ADCY6: variants seen among roughly 807,000 people sequenced by gnomAD.
ADCY6 encodes adenylate cyclase type 6.
A neutral mutation model predicts 111.6 loss-of-function variants in ADCY6; 59 were observed. The observed-to-expected ratio is 0.53, with a 90% confidence interval of 0.43 to 0.66. The LOEUF is 0.66. Among genes scored for constraint, ADCY6 ranks in the 30% least tolerant of loss-of-function variants. The pLI, the probability that ADCY6 is intolerant of heterozygous loss-of-function variation, is 0.00. For synonymous variants in ADCY6, 576 were observed against 642.9 expected (o/e 0.90, Z 1.57); for missense variants, 1,242 against 1,595.6 (o/e 0.78, Z 3.78).
At chr12:48,780,704 G>A (rs1478037527) in intron 2 of ADCY6, among the ~76,000 whole-genome samples, 2 of 152,206 alleles carry the variant, frequency 1.3e-5, no homozygotes, top group East Asian at 3.8e-4. Context: ...TGGCCAGAGA[G>A]GAAGGGGGAA....
In ADCY6 at chr12:48,782,324, A is replaced by G. The variant is rs1394433466; in HGVS notation, c.864+247T>C. On this transcript the variant is annotated intron_variant, in intron 2 of 21. Coordinates refer to ENST00000357869, the MANE Select transcript of ADCY6 (RefSeq NM_015270.5). The surrounding 1 kb of genome is among the most constrained non-coding windows in gnomAD (Gnocchi z 4.3). ...CGGAGACTGGGGCCCATGGTGACAG[A>G]GTTCAGGCTTGGGTCCTGGGGCCCT... Among the ~76,000 whole-genome samples the G allele has an allele frequency of 6.6e-6, 1 of 152,008 alleles. No individual in the cohort carries two copies. The highest frequency in any genetic ancestry group is 1.5e-5 in the Non-Finnish European group (1 of 68,008).
chr12:48,778,531 T>C (rs1941765619), intron 2 of ADCY6: 2 of 452,072 alleles, frequency 4.4e-6, no homozygotes, highest in Non-Finnish European at 4.1e-6. Context: ...AGATAAGTCA[T>C]GGGGCCCAGC....
At chr12:48,781,068 C>T (rs140862700) in intron 2 of ADCY6, among the ~76,000 whole-genome samples, 11 of 151,890 alleles carry the variant, frequency 7.2e-5, no homozygotes, top group Non-Finnish European at 1.3e-4. Context: ...CATGGTGGCG[C>T]GCTCCTGTAG....
At position 48,772,385 on chromosome 12, in the gene ADCY6, AG is replaced by A. The variant is rs749817684; in HGVS notation, c.2696del (p.Pro899LeufsTer2). 1 of 1,614,192 alleles carries A rather than the reference AG, an allele frequency of 6.2e-7. No homozygotes were observed. The highest frequency in any genetic ancestry group is 8.5e-7 in the Non-Finnish European group (1 of 1,180,008). ...AGRVALKYMT[P>X]VILLVFALAL... ...CCAGCGCAAACACCAGCAGAATCAC[AG>A]GGGTCATATATTTGAGGGCCACCCT... On this transcript the variant is annotated frameshift_variant, in exon 18 of 22. Transcript: ENST00000357869. LOFTEE classifies it high-confidence loss of function.
At chr12:48,778,400 C>T in intron 2 of ADCY6, 143 bp from the exon 3 acceptor site, 1 of 937,258 alleles carries the variant, frequency 1.1e-6, no homozygotes, top group Non-Finnish European at 1.6e-6. Context: ...CCACTGCCAC[C>T]CCTGCAATAT....
Position 48,775,364 on chromosome 12 carries a change from A to T in ADCY6, c.1919T>A (p.Leu640Gln). 6.2e-7 allele frequency: 1 copy of T among 1,614,140 alleles called. No homozygotes were observed. Among genetic ancestry groups the T allele is most frequent in the Non-Finnish European group, 8.5e-7 (1 of 1,180,030 alleles). ...RAIDARSIDQLRKDHVRRFLL... is the reference protein window; with the variant it reads ...RAIDARSIDQQRKDHVRRFLL... ...AAACCGGCGCACATGGTCCTTCCGC[A>T]GCTGATCAATGCTGCGGGCATCGAT... is the stretch of plus-strand genomic sequence containing the variant. Residue 640 changes from leucine (L) to glutamine (Q), a missense_variant, in exon 11 of 22, where the codon CTG (leucine) becomes CAG (glutamine). Coordinates refer to ENST00000357869, the MANE Select transcript of ADCY6 (RefSeq NM_015270.5).
At chr12:48,789,262 C>T (rs1942041904), upstream of ADCY6, 1 of 152,312 alleles carries the variant, frequency 6.6e-6, no homozygotes, top group African/African-American at 2.4e-5. Context: ...TGGGACCCCT[C>T]CCTCCGCGCG....
Position 48,774,999 on chromosome 12 carries a change from A to C in ADCY6, c.2036T>G (p.Val679Gly). ...CTGGATGAAGCAGATGAAGCAGAAG[A>C]CCAACAGGGCACAGGCAACGTAGGC... ...FGAYVACALL[V>G]FCFICFIQLL... The change falls in exon 12 of 22, where the codon GTC becomes GGC. Residue 679 changes from valine (V) to glycine (G), a missense_variant. Physicochemically the swap from Val to Gly is moderately radical, Grantham distance 109. Around this residue, in one of 4 missense-constraint regions of ADCY6, gnomAD observed 375 missense variants for 432.5 expected, o/e 0.87. Coordinates refer to ENST00000357869, the MANE Select transcript of ADCY6 (RefSeq NM_015270.5). 6.4e-7 allele frequency: 1 copy of C among 1,558,548 alleles called. No individual in the cohort carries two copies. Among genetic ancestry groups the C allele is most frequent in the Non-Finnish European group, 8.7e-7 (1 of 1,150,860 alleles).
intron 2 of ADCY6, among the ~76,000 whole-genome samples, chr12:48,781,004 T>G (rs908044569): frequency 2.0e-5 from 3 of 152,034 alleles, no homozygotes; most frequent in Non-Finnish European, 4.4e-5. Context: ...ATCGAGACCA[T>G]CCTGGCCAAC....
rs1211448366 is a variant in ADCY6, at chr12:48,778,246, A to G, written c.876T>C (p.Asn292=). 5.6e-6 allele frequency: 9 copies of G among 1,614,124 alleles called. No individual in the cohort carries two copies. The highest frequency in any genetic ancestry group is 1.7e-5 in the Admixed American group (1 of 60,002). The change falls in exon 3 of 22, where the codon AAT becomes AAC. Residue 292 remains asparagine, a synonymous_variant. Transcript: ENST00000357869. ...CGTTGGTGCAGAGGAACAGCAGCAC[A>G]TTGGCACCGAGCTGCAGGAGGTGGC... is the stretch of plus-strand genomic sequence containing the variant. The part of the protein sequence containing the change: ...DAFLWKQLGA[N]VLLFLCTNVI...
In ADCY6 at chr12:48,776,846, G is replaced by A. The variant is rs1003678337; in HGVS notation, c.1376+258C>T. Reference sequence around the variant, plus strand: ...AGAGGAATCACTGTTATCCCCTCTGGCCTGCACAGATGGCATTCCCTCTAG... The same window carrying A: ...AGAGGAATCACTGTTATCCCCTCTGACCTGCACAGATGGCATTCCCTCTAG... On this transcript the variant is annotated intron_variant, in intron 6 of 21. Transcript: ENST00000357869. This position sits in a 1 kb window ranked among gnomAD's most constrained non-coding sequence, Gnocchi z 6.1. Among the ~76,000 whole-genome samples, 1 of 152,184 alleles carries A rather than the reference G, an allele frequency of 6.6e-6. No individual in the cohort carries two copies. Among genetic ancestry groups the A allele is most frequent in the Non-Finnish European group, 1.5e-5 (1 of 68,034 alleles).
At chr12:48,774,587 G>A (rs1475305698) in intron 13 of ADCY6, 69 bp from the exon 14 acceptor site, 8 of 1,573,946 alleles carry the variant, frequency 5.1e-6, no homozygotes, top group Non-Finnish European at 7.0e-6. Flanking sequence ...CAGGGATGGG[G>A]CCCAGTGGAA....
chr12:48,782,674 G>T lies in ADCY6; in HGVS notation c.761C>A (p.Pro254His). The T allele has an allele frequency of 6.3e-7, 1 of 1,596,750 alleles. No homozygotes were observed. Among genetic ancestry groups the T allele is most frequent in the Non-Finnish European group, 8.5e-7 (1 of 1,170,850 alleles). The change falls in exon 2 of 22, where the codon CCC becomes CAC. Residue 254 changes from proline (P) to histidine (H), a missense_variant. Transcript: ENST00000357869. This position sits in a 1 kb window ranked among gnomAD's most constrained non-coding sequence, Gnocchi z 4.3. ...FFVYIAYTLL[P>H]IRMRAAVLSG... The stretch of plus-strand genomic sequence containing the variant: ...GAGGACGGCAGCCCGCATGCGGATG[G>T]GGAGGAGCGTGTAGGCGATGTAGAC...
Position 48,778,022 on chromosome 12 carries a change from C to T in ADCY6, c.1014+86G>A, listed in dbSNP as rs1006978064. 2.4e-5 allele frequency: 36 copies of T among 1,506,604 alleles called. No individual in the cohort carries two copies. The Admixed American group carries it at 3.4e-4, about 14-fold the overall frequency. The allele number at this position is 1,506,604 out of a possible 1,614,324, so 93.3% of individuals were successfully genotyped here. ...AGGGGAACCATCACACTGTGCTGCA[C>T]GGAACTGGACAAGGCAGCAGATCCA... is the stretch of plus-strand genomic sequence containing the variant. On this transcript the variant is annotated intron_variant, in intron 3 of 21. Coordinates refer to ENST00000357869, the MANE Select transcript of ADCY6 (RefSeq NM_015270.5).
chr12:48,770,889 C>T lies in ADCY6; in HGVS notation c.3133G>A (p.Ala1045Thr), dbSNP rs1266593450. Residue 1045 changes from alanine to threonine, a missense_variant, in exon 20 of 22, where the codon GCC (alanine) becomes ACC (threonine). By Grantham distance (58) the Ala-to-Thr change is moderately conservative (BLOSUM62 0). This residue lies in a region of ADCY6 where 245 missense variants were observed against 371.3 expected (regional missense o/e 0.66). Transcript: ENST00000357869. ...STYMAASGLN[A>T]STYDQVGRSH... The stretch of plus-strand genomic sequence containing the variant: ...CGGCCCACCTGATCGTAGGTGCTGG[C>T]GTTCAGCCCTGAGGCAGCCATGTAG... The T allele has an allele frequency of 8.7e-6, 14 of 1,614,098 alleles. No homozygotes were observed. The highest frequency in any genetic ancestry group is 4.5e-5 in the East Asian group (2 of 44,906).
intron 1 of ADCY6, among the ~76,000 whole-genome samples, chr12:48,788,361 C>A (rs1477576180): frequency 6.6e-6 from 1 of 152,194 alleles, no homozygotes; most frequent in African/African-American, 2.4e-5. Context: ...GCCTTTCAGT[C>A]GAGCCCCAGA....
rs927571712 is a variant in ADCY6, at chr12:48,774,516, C to G, written c.2169G>C (p.Leu723=). ...ACAGACGTTGCAGGGCCTTAGGGAA[C>G]AGCTAGAGGCATCAAGAGACCAAGA... ...LICAVYSCGS[L]FPKALQRLSR... is the part of the protein sequence containing the mutation. The change falls in exon 14 of 22, where the codon CTG becomes CTC. Residue 723 remains leucine, a splice_region_variant and synonymous_variant. Transcript: ENST00000357869. The G allele has an allele frequency of 2.5e-6, 4 of 1,613,164 alleles. No individual in the cohort carries two copies. Among genetic ancestry groups the G allele is most frequent in the African/African-American group, 1.3e-5 (1 of 74,830 alleles).
In ADCY6 at chr12:48,775,027, C is replaced by T. The variant is rs55726827; in HGVS notation, c.2008G>A (p.Gly670Arg). ...AACAGGGCACAGGCAACGTAGGCTC[C>T]GAAGCGGGGATCCACCTTCCGGGAG... ...KYSRKVDPRF[G>R]AYVACALLVF... The change falls in exon 12 of 22, where the codon GGA (glycine) becomes AGA (arginine). Residue 670 changes from glycine to arginine, a missense_variant. Physicochemically the swap from Gly to Arg is moderately radical, Grantham distance 125 (BLOSUM62 -2). Around this residue, in one of 4 missense-constraint regions of ADCY6, gnomAD observed 375 missense variants for 432.5 expected, o/e 0.87. Transcript: ENST00000357869. The T allele has an allele frequency of 1.8e-5, 28 of 1,556,774 alleles. No homozygotes were observed. Among genetic ancestry groups the T allele is most frequent in the Non-Finnish European group, 2.0e-5 (23 of 1,149,898 alleles).
At position 48,771,912 on chromosome 12, in the gene ADCY6, T is replaced by C. The variant is rs906075876; in HGVS notation, c.2849A>G (p.Asn950Ser). 7 of 1,614,146 alleles carry C rather than the reference T, an allele frequency of 4.3e-6. No individual in the cohort carries two copies. The highest frequency in any genetic ancestry group is 5.9e-6 in the Non-Finnish European group (7 of 1,180,022). Residue 950 changes from asparagine to serine, a missense_variant, in exon 19 of 22, where the codon AAC becomes AGC. Physicochemically the swap from Asn to Ser is conservative, Grantham distance 46. This residue lies in a region of ADCY6 where 245 missense variants were observed against 371.3 expected (regional missense o/e 0.66). Coordinates refer to ENST00000357869, the MANE Select transcript of ADCY6 (RefSeq NM_015270.5). The surrounding 1 kb of genome is among the most constrained non-coding windows in gnomAD (Gnocchi z 4.3). ...GGCCGCCACGTCCTTGGGCAGAATG[T>C]TATGCAGCAGCCTCCGGTTGTATGC... is the stretch of plus-strand genomic sequence containing the variant. ...LQAYNRRLLH[N>S]ILPKDVAAHF...
Sources: allele counts gnomAD v4.1 joint callset (sites outside exome capture counted in the v4.1 genomes callset), GRCh38; gene constraint gnomAD v4.1.1; regional missense constraint gnomAD v4.1.1; non-coding constraint Gnocchi (gnomAD v3.1); transcripts MANE v1.5; gene names NCBI Gene and HGNC (gene_info 2026-07-23, HGNC 2026-07-21).